Variants in H3-7 observed in about 807,000 individuals in gnomAD.
H3-7 encodes H3.7 histone (putative).
At chr1:143,904,610 G>A in the H3-7 span, 8 of 1,582,720 alleles carry the variant, frequency 5.1e-6, no homozygotes, top group Middle Eastern at 1.7e-4. Flanking sequence ...GCATTTTTGC[G>A]CGAAAAAAGA....
At chr1:143,904,345 G>A in the H3-7 span, 6 of 1,582,578 alleles carry the variant, frequency 3.8e-6, 1 homozygote, top group African/African-American at 2.7e-5. Flanking sequence ...ATGGTGGAGC[G>A]CTTGTTGTAG....
At chr1:143,904,387 G>A in the H3-7 span, 6 of 1,582,716 alleles carry the variant, frequency 3.8e-6, no homozygotes, top group Admixed American at 3.4e-5. Flanking sequence ...CCCGCGATGC[G>A]CTCGAAGATG....
At chr1:143,903,206 A>AT in the H3-7 span, among the ~76,000 whole-genome samples, 1 of 135,570 alleles carries the variant, frequency 7.4e-6, no homozygotes, top group Non-Finnish European at 1.6e-5. Flanking sequence ...AAAAAAAAAA[A>AT]AACAAGCGCA....
chr1:143,905,759 G>T, the H3-7 span: 8 of 1,582,074 alleles, frequency 5.1e-6, 2 homozygotes, highest in South Asian at 2.3e-5. Flanking sequence ...CGTACCAGCC[G>T]CTGGAAGGGC....
At chr1:143,904,868 C>A in the H3-7 span, among the ~76,000 whole-genome samples, 3 of 144,648 alleles carry the variant, frequency 2.1e-5, no homozygotes, top group Non-Finnish European at 4.6e-5. Flanking sequence ...CAGTTTTAAG[C>A]TAGGTGAAGC....
At chr1:143,905,564 G>A in the H3-7 span, 77 of 1,579,278 alleles carry the variant, frequency 4.9e-5, 5 homozygotes, top group African/African-American at 8.1e-5. Context: ...CCTTAGGCCC[G>A]CTCCCCGCGG....
chr1:143,905,907 C>A, the H3-7 span: 1 of 1,580,126 alleles, frequency 6.3e-7, no homozygotes, highest in Non-Finnish European at 8.7e-7. Context: ...TGGTAGCCAG[C>A]TGCTTCCTCG....
the H3-7 span, among the ~76,000 whole-genome samples, chr1:143,903,120 A>G: frequency 7.4e-6 from 1 of 135,282 alleles, no homozygotes; most frequent in Admixed American, 7.6e-5. Flanking sequence ...TGAACCCGGG[A>G]GGCGGAGCTT....
At chr1:143,905,634 G>T in the H3-7 span, 3 of 1,582,658 alleles carry the variant, frequency 1.9e-6, no homozygotes, top group Non-Finnish European at 2.6e-6. Flanking sequence ...CATGGATGGC[G>T]CACAGGTTCG....
the H3-7 span, chr1:143,905,701 G>A: frequency 1.3e-6 from 2 of 1,582,698 alleles, no homozygotes; most frequent in Non-Finnish European, 1.7e-6. Context: ...CGCCATCACG[G>A]CCGAGCTCTG....
the H3-7 span, chr1:143,905,956 G>C: frequency 1.3e-6 from 2 of 1,579,772 alleles, 1 homozygote; most frequent in African/African-American, 2.7e-5. Flanking sequence ...AGTCTGCTTA[G>C]TACGGGCCAT....
chr1:143,903,152 AG>A, the H3-7 span, among the ~76,000 whole-genome samples: 1 of 141,452 alleles, frequency 7.1e-6, no homozygotes, highest in Non-Finnish European at 1.6e-5. Flanking sequence ...AGATCCCGCC[AG>A]TGCACTCCGG....
the H3-7 span, chr1:143,904,620 A>T: frequency 6.3e-7 from 1 of 1,581,980 alleles, no homozygotes; most frequent in African/African-American, 1.3e-5. Flanking sequence ...GCGAAAAAAG[A>T]GAACAGAGAC....
the H3-7 span, chr1:143,904,445 G>A: frequency 4.5e-5 from 72 of 1,586,680 alleles, no homozygotes; most frequent in African/African-American, 8.9e-4. Context: ...ACGAGATGCC[G>A]GTGTCGGGGT....
chr1:143,905,211 G>A, the H3-7 span, among the ~76,000 whole-genome samples: 1 of 52,816 alleles, frequency 1.9e-5, no homozygotes, highest in African/African-American at 7.4e-5. Context: ...TAAGGGACTC[G>A]CCCCACCCTT....
chr1:143,903,947 C>G, the H3-7 span, among the ~76,000 whole-genome samples: 1 of 146,628 alleles, frequency 6.8e-6, no homozygotes, highest in Non-Finnish European at 1.5e-5. Context: ...CCCAAATATC[C>G]CAGAACGAGT....
the H3-7 span, chr1:143,904,445 G>T: frequency 6.3e-7 from 1 of 1,586,684 alleles, no homozygotes; most frequent in Non-Finnish European, 8.6e-7. Context: ...ACGAGATGCC[G>T]GTGTCGGGGT....
the H3-7 span, among the ~76,000 whole-genome samples, chr1:143,903,258 G>T: frequency 8.5e-6 from 1 of 117,966 alleles, no homozygotes; most frequent in African/African-American, 3.2e-5. Context: ...ACCAAGACAG[G>T]GTTCTTGTCC....
chr1:143,905,264 TG>T, the H3-7 span, among the ~76,000 whole-genome samples: 1 of 123,726 alleles, frequency 8.1e-6, no homozygotes, highest in Non-Finnish European at 1.7e-5. Flanking sequence ...CATAGTCTCT[TG>T]CCCCCATGCA....
Sources: gnomAD v4.1 joint callset for allele counts (sites outside exome capture counted in the v4.1 genomes callset) on GRCh38, gnomAD v4.1.1 for gene constraint, MANE v1.5 for transcripts, NCBI Gene and HGNC (gene_info 2026-07-23, HGNC 2026-07-21) for gene names.